SEMA4B: variants seen among roughly 807,000 people sequenced by gnomAD.
SEMA4B encodes the protein semaphorin-4B.
In SEMA4B, 55 loss-of-function variants were observed where a neutral mutation model predicts 88.1. That is an observed-to-expected ratio of 0.62 (90% CI 0.50 to 0.78). The LOEUF is 0.78. Among genes scored for constraint, SEMA4B ranks in the 30% least tolerant of loss-of-function variants. SEMA4B has a pLI of 0.00. For synonymous variants in SEMA4B, 525 were observed against 473.6 expected (o/e 1.11, Z -1.41); for missense variants, 1,062 against 1,111.9 (o/e 0.96, Z 0.64).
Position 90,229,066 on chromosome 15 carries a change from C to T in SEMA4B, c.*423C>T. 1 of 356,352 alleles carries T rather than the reference C, an allele frequency of 2.8e-6. No homozygotes were observed. The highest frequency in any genetic ancestry group is 2.1e-5 in the South Asian group (1 of 46,994). 22.1% of individuals were successfully genotyped at this position (356,352 alleles called of 1,614,324 possible). A position where few individuals can be genotyped will look rare whatever the true frequency, so the allele number is the denominator to read the frequency against. On this transcript the variant is annotated 3_prime_UTR_variant, in exon 14 of 14. Transcript: ENST00000411539. ...TGTCTGAGACAGAGTTGGAAACCCT[C>T]ACCAACTGGCCTCTTCACCTTCCAC...
At position 90,225,291 on chromosome 15, in the gene SEMA4B, G is replaced by A. The variant is rs200750620; in HGVS notation, c.1415G>A (p.Arg472Gln). Residue 472 changes from arginine (R) to glutamine (Q), a missense_variant, in exon 11 of 14, where the codon CGG becomes CAG. By Grantham distance (43) the Arg-to-Gln change is conservative (BLOSUM62 1). Coordinates refer to ENST00000411539, the MANE Select transcript of SEMA4B (RefSeq NM_198925.4). ...CCTGTCCACACCCCAGGTGACGGCC[G>A]GCTCCACAAGGCAGTGAGCGTGGGC... Reference protein sequence around the residue: ...DVLFLGTGDGRLHKAVSVGPR... With the variant: ...DVLFLGTGDGQLHKAVSVGPR... 209 of 1,557,144 alleles carry A rather than the reference G, an allele frequency of 1.3e-4. No homozygotes were observed. The highest frequency in any genetic ancestry group is 1.6e-4 in the Non-Finnish European group (187 of 1,150,810).
intron 1 of SEMA4B, among the ~76,000 whole-genome samples, chr15:90,210,757 TGG>T (rs1220900682): frequency 1.3e-5 from 2 of 152,026 alleles, no homozygotes; most frequent in African/African-American, 4.8e-5. Flanking sequence ...GGCCCGTGTC[TGG>T]GGTCTGTCAG....
chr15:90,188,799 C>G (rs2151581785), intron 1 of SEMA4B, among the ~76,000 whole-genome samples: 1 of 152,102 alleles, frequency 6.6e-6, no homozygotes, highest in South Asian at 2.1e-4. Context: ...TCCCGAGTAG[C>G]TGGGACTACA....
chr15:90,210,629 T>A (rs1961219438), intron 1 of SEMA4B, among the ~76,000 whole-genome samples: 1 of 152,170 alleles, frequency 6.6e-6, no homozygotes, highest in South Asian at 2.1e-4. Flanking sequence ...TTTAAAGGGC[T>A]GAGAAAGTGC....
intron 9 of SEMA4B, 55 bp from the exon 10 acceptor site, chr15:90,224,913 T>G: frequency 6.7e-7 from 1 of 1,485,738 alleles, no homozygotes; most frequent in Admixed American, 1.7e-5. Flanking sequence ...AGGGCCCGCA[T>G]CCTGCCTGCC....
intron 3 of SEMA4B, among the ~76,000 whole-genome samples, chr15:90,219,056 T>G (rs1961674001): frequency 6.6e-6 from 1 of 151,748 alleles, no homozygotes; most frequent in African/African-American, 2.4e-5. Context: ...ACTAAGAGGG[T>G]CACTCTGGCT....
chr15:90,213,934 A>G (rs377748888), intron 1 of SEMA4B, among the ~76,000 whole-genome samples: 1 of 152,220 alleles, frequency 6.6e-6, no homozygotes, highest in Non-Finnish European at 1.5e-5. Context: ...GCTGCCTGAC[A>G]GAAGGGCCTA....
At chr15:90,189,761 C>T (rs1288099644) in intron 1 of SEMA4B, among the ~76,000 whole-genome samples, 1 of 152,110 alleles carries the variant, frequency 6.6e-6, no homozygotes, top group Admixed American at 6.6e-5. Context: ...TAGCAAGGAG[C>T]TTTTGAAATT....
At chr15:90,211,525 A>G (rs1352697671) in intron 1 of SEMA4B, among the ~76,000 whole-genome samples, 1 of 152,142 alleles carries the variant, frequency 6.6e-6, no homozygotes, top group Non-Finnish European at 1.5e-5. Flanking sequence ...TCCATGCTCC[A>G]TGAGGAAGAA....
intron 12 of SEMA4B, 163 bp from the exon 13 acceptor site, chr15:90,227,394 C>A: frequency 3.3e-6 from 2 of 612,824 alleles, no homozygotes; most frequent in Non-Finnish European, 5.8e-6. Flanking sequence ...GTTATCTTAG[C>A]TTTGACTTGA....
upstream of SEMA4B, among the ~76,000 whole-genome samples, chr15:90,198,446 G>C (rs1472969094): frequency 6.6e-6 from 1 of 152,166 alleles, no homozygotes; most frequent in Non-Finnish European, 1.5e-5. Context: ...CATTCTGGGG[G>C]AGATGGGATG....
At chr15:90,197,523 C>T (rs891608251), upstream of SEMA4B, among the ~76,000 whole-genome samples, 12 of 151,344 alleles carry the variant, frequency 7.9e-5, no homozygotes, top group East Asian at 9.8e-4. Context: ...CTGCAAGCTC[C>T]GCCTCCCGGG....
upstream of SEMA4B, among the ~76,000 whole-genome samples, chr15:90,198,445 G>T (rs1405045735): frequency 6.6e-6 from 1 of 152,170 alleles, no homozygotes; most frequent in Non-Finnish European, 1.5e-5. Flanking sequence ...GCATTCTGGG[G>T]GAGATGGGAT....
chr15:90,224,944 TCA>T, intron 9 of SEMA4B, 22 bp from the exon 10 acceptor site: 3 of 1,605,248 alleles, frequency 1.9e-6, no homozygotes, highest in Non-Finnish European at 2.6e-6. Context: ...GTGGCTGGCC[TCA>T]CACTGCTGCT....
rs1319612957 is a variant in SEMA4B, at chr15:90,225,410, A to T, written c.1521+13A>T. 6 of 1,548,548 alleles carry T rather than the reference A, an allele frequency of 3.9e-6. No individual in the cohort carries two copies. The highest frequency in any genetic ancestry group is 5.2e-6 in the Non-Finnish European group (6 of 1,145,890). On this transcript the variant is annotated intron_variant, in intron 11 of 13. Coordinates refer to ENST00000411539, the MANE Select transcript of SEMA4B (RefSeq NM_198925.4). ...GGACACCCACAGGGTGAGCAGGCCA[A>T]CGAGGAATCCTGGCAGGGTACTTGG...
intron 1 of SEMA4B, among the ~76,000 whole-genome samples, chr15:90,195,938 C>CTTTTTTTTTTTTTA (rs10530160): frequency 1.6e-5 from 2 of 128,416 alleles, no homozygotes; most frequent in Non-Finnish European, 1.7e-5. Context: ...TTTTTTTTTT[C>CTTTTTTTTTTTTTA]GAGACGGAGT....
chr15:90,186,338 G>T (rs951688558), intron 1 of SEMA4B, among the ~76,000 whole-genome samples: 1 of 152,156 alleles, frequency 6.6e-6, no homozygotes, highest in Non-Finnish European at 1.5e-5. Flanking sequence ...TGGGGACATT[G>T]GCCAGGCATG....
At position 90,201,370 on chromosome 15, in the gene SEMA4B, G is replaced by C. The variant is rs1272722547; in HGVS notation, c.-209G>C. 3 of 1,248,050 alleles carry C rather than the reference G, an allele frequency of 2.4e-6. No homozygotes were observed. The highest frequency in any genetic ancestry group is 3.1e-5 in the African/African-American group (2 of 63,644). The allele number at this position is 1,248,050 out of a possible 1,614,324, so 77.3% of individuals were successfully genotyped here. A position where few individuals can be genotyped will look rare whatever the true frequency, so the allele number is the denominator to read the frequency against. ...CTGCCCAAGCCGAGGCTGCGGGGCC[G>C]GCGCCGGCGGGAGGACTGCGGTGCC... On this transcript the variant is annotated 5_prime_UTR_variant, in exon 1 of 14. Coordinates refer to ENST00000411539, the MANE Select transcript of SEMA4B (RefSeq NM_198925.4).
intron 1 of SEMA4B, chr15:90,185,089 C>T: frequency 1.1e-5 from 11 of 982,866 alleles, no homozygotes; most frequent in Non-Finnish European, 1.3e-5. Flanking sequence ...CAGGTAGGCG[C>T]GGGGGGTGCC....
Sources: allele counts gnomAD v4.1 joint callset (sites outside exome capture counted in the v4.1 genomes callset), GRCh38; gene constraint gnomAD v4.1.1; transcripts MANE v1.5; gene names NCBI Gene and HGNC (gene_info 2026-07-23, HGNC 2026-07-21).